Variants in NXPH1 observed in about 807,000 individuals in gnomAD.
NXPH1 encodes neurexophilin-1.
Under a neutral mutation model 23.7 loss-of-function variants are expected in NXPH1, and 5 were observed. The ratio of observed to expected loss-of-function variants is 0.21; its 90% confidence interval spans 0.11 to 0.44. The LOEUF is 0.44. NXPH1 is among the 20% of genes least tolerant of loss of function. The pLI is 0.99. For missense variants in NXPH1, 324 were observed against 321.6 expected, an observed-to-expected ratio of 1.01 and a Z score of -0.06; for synonymous variants, 144 against 122.2, an observed-to-expected ratio of 1.18 and a Z score of -1.18.
Position 8,552,957 on chromosome 7 carries a change from G to A in NXPH1, c.54+117190G>A, listed in dbSNP as rs117803342. ...TATTGAAAAGTAGTAAAGATCTATCGTTTAGGAAGTCAGACAGCCATTTTT... is the reference window on the plus strand; with the variant it reads ...TATTGAAAAGTAGTAAAGATCTATCATTTAGGAAGTCAGACAGCCATTTTT... On this transcript the variant is annotated intron_variant, in intron 2 of 2. Coordinates refer to ENST00000405863, the MANE Select transcript of NXPH1 (RefSeq NM_152745.3). 2.3e-3 allele frequency among the ~76,000 whole-genome samples: 352 copies of A among 151,546 alleles called. 2 individuals carry two copies. Among genetic ancestry groups the A allele is most frequent in the Non-Finnish European group, 3.1e-3 (212 of 67,646 alleles).
intron 2 of NXPH1, among the ~76,000 whole-genome samples, chr7:8,673,822 A>G (rs1039342984): frequency 6.6e-6 from 1 of 152,188 alleles, no homozygotes; most frequent in Non-Finnish European, 1.5e-5. Context: ...CTACTTGAAA[A>G]AAAACACATC....
At chr7:8,478,931 T>C (rs1238744584) in intron 2 of NXPH1, among the ~76,000 whole-genome samples, 1 of 152,112 alleles carries the variant, frequency 6.6e-6, no homozygotes, top group African/African-American at 2.4e-5. Flanking sequence ...CAGACTATTA[T>C]TGGCATACAA....
chr7:8,573,678 G>A (rs1311490207), intron 2 of NXPH1, among the ~76,000 whole-genome samples: 2 of 152,112 alleles, frequency 1.3e-5, no homozygotes, highest in Non-Finnish European at 2.9e-5. Context: ...GCCATGGAAG[G>A]CTTCTGAGTA....
At chr7:8,634,417 C>A (rs1264470087) in intron 2 of NXPH1, among the ~76,000 whole-genome samples, 2 of 152,046 alleles carry the variant, frequency 1.3e-5, no homozygotes, top group African/African-American at 4.8e-5. Context: ...ATTTAATTTA[C>A]TTTGTAAATT....
At chr7:8,579,650 G>C (rs775112272) in intron 2 of NXPH1, among the ~76,000 whole-genome samples, 1 of 152,284 alleles carries the variant, frequency 6.6e-6, no homozygotes, top group East Asian at 1.9e-4. Flanking sequence ...GGGATTATAG[G>C]CGTGAGCCAC....
intron 2 of NXPH1, among the ~76,000 whole-genome samples, chr7:8,740,986 T>A (rs1459224007): frequency 6.6e-6 from 1 of 152,188 alleles, no homozygotes; most frequent in Non-Finnish European, 1.5e-5. Context: ...TGTTGTACAT[T>A]AGAACTCCAG....
chr7:8,546,261 C>G (rs943784411), intron 2 of NXPH1, among the ~76,000 whole-genome samples: 2 of 151,274 alleles, frequency 1.3e-5, no homozygotes, highest in Non-Finnish European at 3.0e-5. Context: ...TATGGTCCTC[C>G]CATTCATGAC....
At chr7:8,477,410 G>A (rs893671424) in intron 2 of NXPH1, among the ~76,000 whole-genome samples, 1 of 152,068 alleles carries the variant, frequency 6.6e-6, no homozygotes, top group Non-Finnish European at 1.5e-5. Context: ...TGGTCAAGCT[G>A]AGTTGTTAAT....
chr7:8,480,348 G>A (rs576532477), intron 2 of NXPH1, among the ~76,000 whole-genome samples: 38 of 152,260 alleles, frequency 2.5e-4, no homozygotes, highest in Middle Eastern at 3.4e-3. Context: ...GCTCATATAT[G>A]TGGCCTGAGA....
At chr7:8,593,578 T>C (rs1819150995) in intron 2 of NXPH1, among the ~76,000 whole-genome samples, 1 of 152,014 alleles carries the variant, frequency 6.6e-6, no homozygotes, top group Admixed American at 6.6e-5. Flanking sequence ...CAATTAAAGG[T>C]GAATGTAAGA....
intron 2 of NXPH1, among the ~76,000 whole-genome samples, chr7:8,685,543 A>G (rs558741795): frequency 1.3e-5 from 2 of 152,024 alleles, no homozygotes; most frequent in African/African-American, 2.4e-5. Context: ...AATCTTAGCT[A>G]TTGTAAACAG....
At chr7:8,654,354 GT>G (rs1195194966) in intron 2 of NXPH1, among the ~76,000 whole-genome samples, 2 of 152,200 alleles carry the variant, frequency 1.3e-5, no homozygotes, top group Non-Finnish European at 2.9e-5. Flanking sequence ...GCGAATATGT[GT>G]AGCTCAGCTG....
At chr7:8,528,832 C>G (rs1459317107) in intron 2 of NXPH1, among the ~76,000 whole-genome samples, 1 of 152,200 alleles carries the variant, frequency 6.6e-6, no homozygotes, top group Non-Finnish European at 1.5e-5. Context: ...TTTTCTATTG[C>G]TCTAATAACA....
At chr7:8,537,207 A>T (rs1329135733) in intron 2 of NXPH1, among the ~76,000 whole-genome samples, 2 of 151,646 alleles carry the variant, frequency 1.3e-5, no homozygotes. Context: ...TACACTGCTT[A>T]CTCTTTATTT....
Position 8,433,762 on chromosome 7 carries a change from C to T in NXPH1, c.-1104C>T, listed in dbSNP as rs946859739. Among the ~76,000 whole-genome samples the T allele has an allele frequency of 5.1e-4, 77 of 152,142 alleles. No homozygotes were observed. The highest frequency in any genetic ancestry group is 1.7e-3 in the African/African-American group (72 of 41,554). On this transcript the variant is annotated 5_prime_UTR_variant, in exon 1 of 3. Coordinates refer to ENST00000405863, the MANE Select transcript of NXPH1 (RefSeq NM_152745.3). The surrounding 1 kb of genome is among the most constrained non-coding windows in gnomAD (Gnocchi z 6.8). ...GCGCCCTTCCCCGCCCTACGCGACTCCCGGCTGCTCTTCCCGCCACTCCCC... is the reference window on the plus strand; with the variant it reads ...GCGCCCTTCCCCGCCCTACGCGACTTCCGGCTGCTCTTCCCGCCACTCCCC...
Position 8,611,734 on chromosome 7 carries a change from A to G in NXPH1, c.55-139274A>G, listed in dbSNP as rs1019386244. ...GAATGCATAATTTTGCCAAATTTGCATAAAGTTCATGGTAAAGTGATGATA... is the reference window on the plus strand; with the variant it reads ...GAATGCATAATTTTGCCAAATTTGCGTAAAGTTCATGGTAAAGTGATGATA... On this transcript the variant is annotated intron_variant, in intron 2 of 2. Coordinates refer to ENST00000405863, the MANE Select transcript of NXPH1 (RefSeq NM_152745.3). Among the ~76,000 whole-genome samples, 6 of 152,242 alleles carry G rather than the reference A, an allele frequency of 3.9e-5. No individual in the cohort carries two copies. In the East Asian group the frequency reaches 5.8e-4, roughly 15 times the overall value.
chr7:8,520,790 C>T (rs1817758994), intron 2 of NXPH1, among the ~76,000 whole-genome samples: 1 of 152,170 alleles, frequency 6.6e-6, no homozygotes. Context: ...TGCATTGTAT[C>T]ATAAACATAT....
chr7:8,618,284 A>G (rs1562429197), intron 2 of NXPH1, among the ~76,000 whole-genome samples: 1 of 152,098 alleles, frequency 6.6e-6, no homozygotes, highest in Non-Finnish European at 1.5e-5. Flanking sequence ...TGATATTTTC[A>G]CTCAATTATC....
intron 2 of NXPH1, among the ~76,000 whole-genome samples, chr7:8,654,345 C>A (rs1009936993): frequency 9.9e-5 from 15 of 151,986 alleles, no homozygotes; most frequent in African/African-American, 3.4e-4. Flanking sequence ...GAGTGAGGGG[C>A]GAATATGTGT....
Sources: allele counts gnomAD v4.1 joint callset (sites outside exome capture counted in the v4.1 genomes callset), GRCh38; gene constraint gnomAD v4.1.1; non-coding constraint Gnocchi (gnomAD v3.1); transcripts MANE v1.5; gene names NCBI Gene and HGNC (gene_info 2026-07-23, HGNC 2026-07-21).